Variants in TSHZ1 observed in about 807,000 individuals in gnomAD.
The protein encoded by TSHZ1 is teashirt homolog 1.
TSHZ1 carries 12 observed loss-of-function variants against 67.1 expected under a neutral mutation model. The ratio of observed to expected loss-of-function variants is 0.18; its 90% CI spans 0.11 to 0.29. The LOEUF (loss-of-function observed/expected upper bound fraction) is 0.29, where lower values mean the gene tolerates loss of function less well. Ranked by LOEUF, TSHZ1 falls within the 10% of genes least tolerant of loss-of-function variation. TSHZ1 has a pLI of 1.00. For missense variants in TSHZ1, 1,305 were observed against 1,413.9 expected (o/e 0.92, Z 1.23); for synonymous variants, 632 against 622.4 (o/e 1.02, Z -0.23).
chr18:75,242,987 C>T (rs1161159524), intron 1 of TSHZ1, among the ~76,000 whole-genome samples: 1 of 152,180 alleles, frequency 6.6e-6, no homozygotes, highest in Non-Finnish European at 1.5e-5. Context: ...GAGGTGCACA[C>T]ACTGGGGGTG....
chr18:75,249,869 C>T (rs1424099918), intron 1 of TSHZ1, among the ~76,000 whole-genome samples: 1 of 151,288 alleles, frequency 6.6e-6, no homozygotes, highest in Non-Finnish European at 1.5e-5. Flanking sequence ...CTTCCTCCTC[C>T]CTGCCTCACC....
chr18:75,222,726 C>G lies in TSHZ1; in HGVS notation c.40+10810C>G, dbSNP rs576364489. Reference sequence around the variant, plus strand: ...ACCCAGTTCTCAAAGACTGCCCCCTCCACCCCCCTATTTTTTGTGGAGACA... The same window carrying G: ...ACCCAGTTCTCAAAGACTGCCCCCTGCACCCCCCTATTTTTTGTGGAGACA... On this transcript the variant is annotated intron_variant, in intron 1 of 1. Transcript: ENST00000580243. 7.2e-5 allele frequency among the ~76,000 whole-genome samples: 11 copies of G among 152,272 alleles called. No homozygotes were observed. The South Asian group carries it at 2.1e-3, about 29-fold the overall frequency.
intron 1 of TSHZ1, chr18:75,244,577 A>C (rs1395697769): frequency 6.6e-6 from 1 of 152,140 alleles, no homozygotes; most frequent in African/African-American, 2.4e-5. Context: ...TGGCAGGTAG[A>C]CCAGGCCGGC....
At chr18:75,263,575 A>G (rs764911450) in intron 1 of TSHZ1, among the ~76,000 whole-genome samples, 2 of 152,218 alleles carry the variant, frequency 1.3e-5, no homozygotes, top group Non-Finnish European at 2.9e-5. Flanking sequence ...GTGCCAAGAG[A>G]CAGTAACCAT....
chr18:75,254,549 C>G (rs986854839), intron 1 of TSHZ1, among the ~76,000 whole-genome samples: 1 of 152,120 alleles, frequency 6.6e-6, no homozygotes, highest in Non-Finnish European at 1.5e-5. Context: ...ACACACAGTT[C>G]TGATATTCAC....
In TSHZ1 at chr18:75,286,604, G is replaced by C. The variant is rs1369793405; in HGVS notation, c.1197G>C (p.Gln399His). The change falls in exon 2 of 2, where the codon CAG (glutamine) becomes CAC (histidine). Residue 399 changes from glutamine to histidine, a missense_variant. Physicochemically the swap from Gln to His is conservative, Grantham distance 24 (BLOSUM62 0). This residue lies in a region of TSHZ1 where 909 missense variants were observed against 961.8 expected (regional missense o/e 0.95). Transcript: ENST00000580243. This position sits in a 1 kb window ranked among gnomAD's most constrained non-coding sequence, Gnocchi z 5.1. ...YVTPNNRYGY[Q>H]NGASYTWQFE... The stretch of plus-strand genomic sequence containing the variant: ...CGCCCAATAACCGCTATGGCTACCA[G>C]AATGGCGCCAGCTACACCTGGCAGT... The C allele has an allele frequency of 6.2e-6, 10 of 1,614,252 alleles. No individual in the cohort carries two copies. The highest frequency in any genetic ancestry group is 7.6e-6 in the Non-Finnish European group (9 of 1,180,054).
intron 1 of TSHZ1, among the ~76,000 whole-genome samples, chr18:75,224,619 T>C (rs1016161206): frequency 9.1e-4 from 139 of 152,328 alleles, no homozygotes; most frequent in African/African-American, 3.3e-3. Flanking sequence ...TATAGCCATC[T>C]AAGAAACCAC....
intron 1 of TSHZ1, among the ~76,000 whole-genome samples, chr18:75,266,323 A>T (rs1242472171): frequency 6.6e-6 from 1 of 152,206 alleles, no homozygotes; most frequent in Non-Finnish European, 1.5e-5. Context: ...AATGCAGTGG[A>T]TTGATCATAG....
intron 1 of TSHZ1, among the ~76,000 whole-genome samples, chr18:75,264,319 A>G (rs1007713116): frequency 1.3e-5 from 2 of 152,236 alleles, no homozygotes; most frequent in African/African-American, 4.8e-5. Flanking sequence ...CTTAACGGGA[A>G]TAGTAAAATA....
intron 1 of TSHZ1, among the ~76,000 whole-genome samples, chr18:75,243,823 G>C (rs942579799): frequency 1.3e-5 from 2 of 152,086 alleles, no homozygotes; most frequent in Admixed American, 1.3e-4. Flanking sequence ...GTTGAACTTG[G>C]ATAGTTTTGC....
chr18:75,214,274 A>G (rs908242446), intron 1 of TSHZ1, among the ~76,000 whole-genome samples: 2 of 152,222 alleles, frequency 1.3e-5, no homozygotes, highest in East Asian at 3.8e-4. Context: ...TTACATTGGC[A>G]TAAGTCCTTC....
At chr18:75,238,492 A>G (rs2023110536) in intron 1 of TSHZ1, among the ~76,000 whole-genome samples, 1 of 152,140 alleles carries the variant, frequency 6.6e-6, no homozygotes, top group Non-Finnish European at 1.5e-5. Flanking sequence ...TGTTTTCTGT[A>G]CAGGGGGAGT....
rs182241101 is a variant in TSHZ1, at chr18:75,246,617, C to A, written c.40+34701C>A. Among the ~76,000 whole-genome samples the A allele has an allele frequency of 2.0e-3, 306 of 152,082 alleles. 1 individual carries two copies. The highest frequency in any genetic ancestry group is 4.6e-3 in the South Asian group (22 of 4,818). On this transcript the variant is annotated intron_variant, in intron 1 of 1. Transcript: ENST00000580243. ...GCTGTATTATCCAAGAATACTAAGC[C>A]GTGGAGATCATGCTCAAGTCATGGG... is the stretch of plus-strand genomic sequence containing the variant.
chr18:75,273,179 C>T (rs1450269428), intron 1 of TSHZ1, among the ~76,000 whole-genome samples: 2 of 152,202 alleles, frequency 1.3e-5, no homozygotes, highest in East Asian at 1.9e-4. Context: ...GCAAAGCACC[C>T]ACACTTGTTC....
At chr18:75,257,277 C>T (rs539175444) in intron 1 of TSHZ1, among the ~76,000 whole-genome samples, 33 of 152,260 alleles carry the variant, frequency 2.2e-4, no homozygotes, top group Admixed American at 1.8e-3. Flanking sequence ...TTACCAAAAA[C>T]CTTAATGTAT....
At chr18:75,244,781 C>T (rs1394224084) in intron 1 of TSHZ1, among the ~76,000 whole-genome samples, 1 of 152,170 alleles carries the variant, frequency 6.6e-6, no homozygotes, top group Non-Finnish European at 1.5e-5. Context: ...CGGTGAGTCT[C>T]CCTGTTATGA....
intron 1 of TSHZ1, chr18:75,283,164 C>T (rs1331192992): frequency 6.6e-6 from 1 of 152,460 alleles, no homozygotes; most frequent in East Asian, 1.9e-4. Flanking sequence ...CCTTCTGCCT[C>T]CCCTGGGCGT....
chr18:75,275,909 T>G (rs74496610), intron 1 of TSHZ1, among the ~76,000 whole-genome samples: 1 of 152,344 alleles, frequency 6.6e-6, no homozygotes, highest in East Asian at 1.9e-4. Context: ...TTTGCTGTTC[T>G]CACTTTATTT....
chr18:75,270,316 A>G (rs2023542255), intron 1 of TSHZ1, among the ~76,000 whole-genome samples: 1 of 152,206 alleles, frequency 6.6e-6, no homozygotes, highest in Non-Finnish European at 1.5e-5. Flanking sequence ...AGGAGCTAAC[A>G]CAGTTAATAC....
Sources: allele counts gnomAD v4.1 joint callset (sites outside exome capture counted in the v4.1 genomes callset), GRCh38; gene constraint gnomAD v4.1.1; regional missense constraint gnomAD v4.1.1; non-coding constraint Gnocchi (gnomAD v3.1); transcripts MANE v1.5; gene names NCBI Gene and HGNC (gene_info 2026-07-23, HGNC 2026-07-21).